Variants in UGGT2 observed in about 807,000 individuals in gnomAD.
The protein encoded by UGGT2 is UDP-glucose glycoprotein glucosyltransferase 2.
Under a neutral mutation model 192.1 loss-of-function variants are expected in UGGT2, and 180 were observed. That is an observed-to-expected ratio of 0.94 (90% CI 0.83 to 1.06). The LOEUF (loss-of-function observed/expected upper bound fraction) is 1.06. Ranked by LOEUF, UGGT2 falls within the 50% of genes least tolerant of loss-of-function variation. The probability of loss-of-function intolerance (pLI) is 0.00; values close to 1 mark genes in which losing one functional copy is unlikely to be tolerated. For synonymous variants in UGGT2, 580 were observed against 591.0 expected (o/e 0.98, Z 0.27); for missense variants, 1,849 against 1,795.7 (o/e 1.03, Z -0.54).
At chr13:95,904,285 T>C (rs918355245) in intron 20 of UGGT2, among the ~76,000 whole-genome samples, 4 of 152,040 alleles carry the variant, frequency 2.6e-5, no homozygotes, top group African/African-American at 9.7e-5. Context: ...AAAAAGATAA[T>C]CTATATTATC....
chr13:95,900,315 A>C lies in UGGT2; in HGVS notation c.2634+492T>G, dbSNP rs150898614. ...GTTTTATTAGGGTGGTTGGAGAGTA[A>C]GAGATTTTCTTCCTACAGCCTTGTA... On this transcript the variant is annotated intron_variant, in intron 22 of 38. Coordinates refer to ENST00000376747, the MANE Select transcript of UGGT2 (RefSeq NM_020121.4). 4.8e-3 allele frequency among the ~76,000 whole-genome samples: 732 copies of C among 152,268 alleles called. 9 individuals are homozygous for C. The highest frequency in any genetic ancestry group is 0.017 in the African/African-American group (689 of 41,574).
chr13:95,956,465 C>T (rs1472000563), intron 12 of UGGT2, among the ~76,000 whole-genome samples: 2 of 152,076 alleles, frequency 1.3e-5, no homozygotes, highest in Non-Finnish European at 2.9e-5. Flanking sequence ...TACAACTCAA[C>T]AAAAAACAAA....
intron 38 of UGGT2, among the ~76,000 whole-genome samples, chr13:95,813,094 C>T (rs1005844000): frequency 4.6e-5 from 7 of 152,138 alleles, no homozygotes; most frequent in Admixed American, 3.3e-4. Flanking sequence ...CAAGAATGGC[C>T]TAATACAGAA....
At chr13:95,899,730 T>C (rs2048048952) in intron 22 of UGGT2, among the ~76,000 whole-genome samples, 1 of 152,146 alleles carries the variant, frequency 6.6e-6, no homozygotes, top group African/African-American at 2.4e-5. Flanking sequence ...AAAAGCTGTA[T>C]TTCCTCCCAA....
At chr13:96,047,201 T>C (rs954930931) in intron 1 of UGGT2, among the ~76,000 whole-genome samples, 8 of 152,186 alleles carry the variant, frequency 5.3e-5, no homozygotes, top group African/African-American at 1.9e-4. Flanking sequence ...CCAAGTAGCC[T>C]AATGGGGAGG....
At chr13:95,856,661 A>G (rs780425840) in intron 33 of UGGT2, 1 of 420,440 alleles carries the variant, frequency 2.4e-6, no homozygotes, top group South Asian at 1.8e-5. Context: ...AAACTGACTT[A>G]AAAAAAAGCC....
chr13:95,902,090 G>A (rs1416688248), intron 21 of UGGT2, among the ~76,000 whole-genome samples: 1 of 152,138 alleles, frequency 6.6e-6, no homozygotes, highest in African/African-American at 2.4e-5. Context: ...TCTGCAACTG[G>A]ATGAAAACAG....
intron 22 of UGGT2, among the ~76,000 whole-genome samples, chr13:95,899,042 G>A (rs1339823647): frequency 6.6e-6 from 1 of 152,128 alleles, no homozygotes; most frequent in Non-Finnish European, 1.5e-5. Context: ...CGAGGGCTCT[G>A]CCCTCATGAA....
At chr13:95,904,020 G>A (rs1299592702) in intron 20 of UGGT2, among the ~76,000 whole-genome samples, 1 of 152,016 alleles carries the variant, frequency 6.6e-6, no homozygotes, top group Non-Finnish European at 1.5e-5. Flanking sequence ...TGTTCAATCT[G>A]CTTCCAGTAT....
In UGGT2 at chr13:95,851,410, T is replaced by C. The variant is rs544617393; in HGVS notation, c.4284+2133A>G. ...CCATGATTGGCTGCAAGACTGCCGC[T>C]AGAGATGGTATGGAGTGAGAAGTGG... On this transcript the variant is annotated intron_variant, in intron 36 of 38. Transcript: ENST00000376747. Among the ~76,000 whole-genome samples, 6 of 152,302 alleles carry C rather than the reference T, an allele frequency of 3.9e-5. No homozygotes were observed. In the South Asian group the frequency reaches 1.2e-3, roughly 32 times the overall value.
At chr13:95,985,297 A>T (rs764224083) in intron 9 of UGGT2, 1 of 1,290,090 alleles carries the variant, frequency 7.8e-7, no homozygotes, top group Admixed American at 2.0e-5. Context: ...TTGACATTTA[A>T]AGTTGACTGA....
Position 95,902,894 on chromosome 13 carries a change from G to A in UGGT2, c.2462C>T (p.Ala821Val). The change falls in exon 21 of 39, where the codon GCT (alanine) becomes GTT (valine). Residue 821 changes from alanine to valine, a missense_variant. Ala to Val is a moderately conservative substitution (Grantham distance 64). Coordinates refer to ENST00000376747, the MANE Select transcript of UGGT2 (RefSeq NM_020121.4). ...TTTAATTTTATCTCCAGAGTAAATA[G>A]CTGTAGCAATTTCTTCCTTTGCCAG... ...GQLAKEEIAT[A>V]IYSGDKIKTF... 1 of 1,613,380 alleles carries A rather than the reference G, an allele frequency of 6.2e-7. No individual in the cohort carries two copies. The highest frequency in any genetic ancestry group is 8.5e-7 in the Non-Finnish European group (1 of 1,179,600).
At position 96,023,727 on chromosome 13, in the gene UGGT2, T is replaced by A. The variant is rs1159060617; in HGVS notation, c.274A>T (p.Lys92Ter). The A allele has an allele frequency of 6.2e-7, 1 of 1,607,358 alleles. No individual in the cohort carries two copies. Among genetic ancestry groups the A allele is most frequent in the East Asian group, 2.2e-5 (1 of 44,696 alleles). Reference protein sequence around the residue: ...SDYSYYNLILKKAGQFLDNLH... With the variant: ...SDYSYYNLIL ...TTGTCTAGAAACTGTCCAGCTTTCT[T>A]CAGGATTAAGTTGTAATAAGAATAA... Residue 92 changes from lysine to a stop codon, truncating the protein, a stop_gained, in exon 3 of 39, where the codon AAG becomes TAG. Transcript: ENST00000376747. LOFTEE classifies it high-confidence loss of function.
chr13:95,859,008 C>A (rs934522146), intron 33 of UGGT2, among the ~76,000 whole-genome samples: 7 of 152,064 alleles, frequency 4.6e-5, no homozygotes, highest in African/African-American at 1.2e-4. Context: ...CTAAATTTCA[C>A]GGAATTTGAT....
Position 96,053,387 on chromosome 13 carries a change from TC to T in UGGT2, c.-76del. On this transcript the variant is annotated 5_prime_UTR_variant, in exon 1 of 39. Coordinates refer to ENST00000376747, the MANE Select transcript of UGGT2 (RefSeq NM_020121.4). ...TGGCCGCCACGCTTCGGCCGGCTCT[TC>T]CCGCTGCGCGGCTGCCCACTTCCGG... The T allele has an allele frequency of 6.6e-7, 1 of 1,515,662 alleles. No individual in the cohort carries two copies. The highest frequency in any genetic ancestry group is 8.8e-7 in the Non-Finnish European group (1 of 1,141,246). The allele number at this position is 1,515,662 out of a possible 1,614,324, so 93.9% of individuals were successfully genotyped here.
At chr13:96,015,719 A>G (rs1355133874) in intron 4 of UGGT2, among the ~76,000 whole-genome samples, 2 of 152,228 alleles carry the variant, frequency 1.3e-5, no homozygotes, top group Non-Finnish European at 2.9e-5. Flanking sequence ...TGTAGTATAC[A>G]CTTTAATATA....
chr13:95,840,779 T>C (rs1887780922), intron 36 of UGGT2, among the ~76,000 whole-genome samples: 1 of 152,130 alleles, frequency 6.6e-6, no homozygotes, highest in African/African-American at 2.4e-5. Context: ...CTATTTACAA[T>C]AGCAAAGACT....
At chr13:95,867,168 T>A (rs527614839) in intron 30 of UGGT2, among the ~76,000 whole-genome samples, 171 bp downstream of exon 30, 1 of 152,310 alleles carries the variant, frequency 6.6e-6, no homozygotes, top group South Asian at 2.1e-4. Context: ...CAAGTTCTGT[T>A]TTCCTTTGTG....
chr13:95,845,182 A>T (rs902964598), intron 36 of UGGT2, among the ~76,000 whole-genome samples: 16 of 151,356 alleles, frequency 1.1e-4, no homozygotes, highest in African/African-American at 3.4e-4. Flanking sequence ...TTTCTTTTAA[A>T]TTTTTTTAGT....
Sources: allele counts gnomAD v4.1 joint callset (sites outside exome capture counted in the v4.1 genomes callset), GRCh38; gene constraint gnomAD v4.1.1; transcripts MANE v1.5; gene names NCBI Gene and HGNC (gene_info 2026-07-23, HGNC 2026-07-21).